SATB2: variants seen among roughly 807,000 people sequenced by gnomAD.
SATB2 encodes the protein DNA-binding protein SATB2.
SATB2 carries 1 observed loss-of-function variant against 73.4 expected under a neutral mutation model. That is an observed-to-expected ratio of 0.01 (90% CI 0.00 to 0.06). The LOEUF is 0.06. Ranked by LOEUF, SATB2 falls within the 10% of genes least tolerant of loss-of-function variation. SATB2 has a pLI of 1.00. For synonymous variants in SATB2, 397 were observed against 367.0 expected (o/e 1.08, Z -0.93); for missense variants, 459 against 945.8 (o/e 0.49, Z 6.75).
intron 4 of SATB2, 83 bp from the exon 5 acceptor site, chr2:199,380,570 T>G: frequency 6.5e-7 from 1 of 1,545,538 alleles, no homozygotes; most frequent in Non-Finnish European, 8.8e-7. Flanking sequence ...GCAGCCATTC[T>G]TGGGTCTTGT....
At chr2:199,465,173 G>GT (rs1374161115), upstream of SATB2, 1 of 152,212 alleles carries the variant, frequency 6.6e-6, no homozygotes, top group East Asian at 1.9e-4. Flanking sequence ...GTGTGCAAGT[G>GT]TGAGTGTAGA....
chr2:199,470,541 C>T (rs1268289087), intron 1 of SATB2: 1 of 152,262 alleles, frequency 6.6e-6, no homozygotes, highest in African/African-American at 2.4e-5. Context: ...CGGGTCAAAC[C>T]TTCACCCTAT....
At chr2:199,456,138 G>C (rs1325820885) in intron 1 of SATB2, 42 bp from the exon 2 acceptor site, 3 of 1,060,230 alleles carry the variant, frequency 2.8e-6, no homozygotes, top group Non-Finnish European at 4.2e-6. Flanking sequence ...GGAGAAAAAA[G>C]AGGGAAAACC....
chr2:199,340,493 C>T lies in SATB2; in HGVS notation c.1173+8208G>A, dbSNP rs183737575. ...GCACATTTTGCAAAACACATCTGTACTTGCAACTGAAAACATGTTTCCAAG... is the reference window on the plus strand; with the variant it reads ...GCACATTTTGCAAAACACATCTGTATTTGCAACTGAAAACATGTTTCCAAG... On this transcript the variant is annotated intron_variant, in intron 7 of 10. Transcript: ENST00000417098. Among the ~76,000 whole-genome samples, 183 of 152,278 alleles carry T rather than the reference C, an allele frequency of 1.2e-3. 3 individuals carry two copies. The highest frequency in any genetic ancestry group is 4.2e-3 in the African/African-American group (173 of 41,564).
intron 10 of SATB2, among the ~76,000 whole-genome samples, chr2:199,280,301 G>C (rs552366783): frequency 6.6e-6 from 1 of 152,252 alleles, no homozygotes; most frequent in East Asian, 1.9e-4. Flanking sequence ...AAGCTGAGGA[G>C]GATGTATGTC....
chr2:199,396,737 T>G (rs1690312541), intron 3 of SATB2: 1 of 152,264 alleles, frequency 6.6e-6, no homozygotes, highest in South Asian at 2.1e-4. Flanking sequence ...ACAAATTCAT[T>G]TCTGCTTTAA....
chr2:199,278,374 G>A (rs1045833554), intron 10 of SATB2, among the ~76,000 whole-genome samples: 1 of 152,166 alleles, frequency 6.6e-6, no homozygotes, highest in Non-Finnish European at 1.5e-5. Context: ...ACAAACAAAC[G>A]TTCACTCAGT....
At chr2:199,362,526 G>A (rs949067059) in intron 6 of SATB2, among the ~76,000 whole-genome samples, 3 of 152,056 alleles carry the variant, frequency 2.0e-5, no homozygotes, top group Non-Finnish European at 4.4e-5. Context: ...TATATCTTAC[G>A]TGTGTATGGA....
chr2:199,386,702 GCGCGCGCGCGCGCGCACACACACA>G (rs1211043761), intron 3 of SATB2, among the ~76,000 whole-genome samples: 1 of 17,086 alleles, frequency 5.9e-5, no homozygotes, highest in Non-Finnish European at 8.9e-5. Flanking sequence ...GCAAGCGCGC[GCGCGCGCGCGCGCGCACACACACA>G]CACACACACA....
At chr2:199,274,748 T>C (rs1004759474) in intron 10 of SATB2, among the ~76,000 whole-genome samples, 1 of 147,046 alleles carries the variant, frequency 6.8e-6, no homozygotes, top group Non-Finnish European at 1.5e-5. Flanking sequence ...TGGTCTGTTG[T>C]GGTAAGCTGG....
At chr2:199,460,101 T>G (rs3811536), upstream of SATB2, among the ~76,000 whole-genome samples, 1,735 of 151,430 alleles carry the variant, frequency 0.011, 25 homozygotes, top group African/African-American at 0.028. The surrounding 1 kb of genome is among the most constrained non-coding windows in gnomAD (Gnocchi z 4.0). Context: ...ACCCTGGGAG[T>G]TTTAGGCAGC....
chr2:199,369,265 G>C (rs1185241456), intron 5 of SATB2, among the ~76,000 whole-genome samples: 4 of 152,120 alleles, frequency 2.6e-5, no homozygotes, highest in African/African-American at 9.7e-5. Flanking sequence ...CACAATACTT[G>C]TACTGTGTTT....
intron 2 of SATB2, among the ~76,000 whole-genome samples, chr2:199,449,117 A>G (rs1402918609): frequency 6.6e-6 from 1 of 152,202 alleles, no homozygotes; most frequent in Non-Finnish European, 1.5e-5. Flanking sequence ...ACTAATAACC[A>G]TAACATCCAC....
rs921376626 is a variant in SATB2, at chr2:199,361,877, C to T, written c.700+6728G>A. Among the ~76,000 whole-genome samples, 7 of 151,876 alleles carry T rather than the reference C, an allele frequency of 4.6e-5. 1 individual carries two copies. Among genetic ancestry groups the T allele is most frequent in the African/African-American group, 1.7e-4 (7 of 41,306 alleles). On this transcript the variant is annotated intron_variant, in intron 6 of 10. Transcript: ENST00000417098. ...GGTTCAAGCGATTCTCCTGCCTCAGCCTCCCAAGTAGCTGGGATTACAGCT... is the reference window on the plus strand; with the variant it reads ...GGTTCAAGCGATTCTCCTGCCTCAGTCTCCCAAGTAGCTGGGATTACAGCT...
In SATB2 at chr2:199,435,330, G is replaced by A. The variant is rs905571305; in HGVS notation, c.170-1816C>T. Among the ~76,000 whole-genome samples the A allele has an allele frequency of 6.6e-5, 10 of 151,540 alleles. 1 individual carries two copies. The highest frequency in any genetic ancestry group is 2.1e-4 in the South Asian group (1 of 4,796). On this transcript the variant is annotated intron_variant, in intron 2 of 10. Transcript: ENST00000417098. ...CCCAAATATATATAGGACATGTAGC[G>A]AATAATATAAATTAGATTTCCTTCA...
rs563114763 is a variant in SATB2, at chr2:199,300,036, G to C, written c.1740+8724C>G. On this transcript the variant is annotated intron_variant, in intron 10 of 10. Transcript: ENST00000417098. ...TTCTACCGTAGTCTCTATTTATTTT[G>C]CCTCTGTCTTTCTCATTGCTCTATG... Among the ~76,000 whole-genome samples, 4 of 152,158 alleles carry C rather than the reference G, an allele frequency of 2.6e-5. No individual in the cohort carries two copies. In the South Asian group the frequency reaches 8.3e-4, roughly 32 times the overall value.
intron 4 of SATB2, 146 bp from the exon 5 acceptor site, chr2:199,380,633 TA>T (rs1689742193): frequency 9.9e-7 from 1 of 1,013,566 alleles, no homozygotes. Context: ...GGAAGGGAAG[TA>T]AAACTGCTTC....
At chr2:199,380,008 T>G (rs914598994) in intron 5 of SATB2, among the ~76,000 whole-genome samples, 2 of 151,952 alleles carry the variant, frequency 1.3e-5, no homozygotes, top group Non-Finnish European at 2.9e-5. Context: ...CTCAGCCTCC[T>G]GAGTAGCTGG....
At position 199,321,773 on chromosome 2, in the gene SATB2, T is replaced by TA. The variant is rs1027583813; in HGVS notation, c.1542+2029dup. On this transcript the variant is annotated intron_variant, in intron 9 of 10. Transcript: ENST00000417098. ...TCATTTTGTTTGGCAGTATCATTTT[T>TA]AAAAAAAAAACATAATAAACATAGT... Among the ~76,000 whole-genome samples, 263 of 149,658 alleles carry TA rather than the reference T, an allele frequency of 1.8e-3. 1 individual carries two copies. Among genetic ancestry groups the TA allele is most frequent in the East Asian group, 7.0e-3 (36 of 5,110 alleles).
Sources: gnomAD v4.1 joint callset for allele counts (sites outside exome capture counted in the v4.1 genomes callset) on GRCh38, gnomAD v4.1.1 for gene constraint, Gnocchi (gnomAD v3.1) non-coding constraint, MANE v1.5 for transcripts, NCBI Gene and HGNC (gene_info 2026-07-23, HGNC 2026-07-21) for gene names.